The following DNAH9 variants were observed in gnomAD, a reference collection of about 807,000 sequenced individuals.
DNAH9 encodes dynein axonemal heavy chain 9, also known as DNAH9 variant protein.
Under a neutral mutation model 471.6 loss-of-function variants are expected in DNAH9, and 345 were observed. That is an observed-to-expected ratio of 0.73 (90% CI 0.67 to 0.80). The LOEUF is 0.80. DNAH9 is among the 30% of genes least tolerant of loss of function. The pLI is 0.00. For missense variants in DNAH9, 5,407 were observed against 5,609.2 expected, an observed-to-expected ratio of 0.96 and a Z score of 1.15; for synonymous variants, 2,093 against 2,123.6, an observed-to-expected ratio of 0.99 and a Z score of 0.40.
At chr17:11,862,080 A>G (rs1353228386) in intron 50 of DNAH9, among the ~76,000 whole-genome samples, 2 of 121,936 alleles carry the variant, frequency 1.6e-5, no homozygotes, top group Non-Finnish European at 3.8e-5. Context: ...GGTGTTTTAG[A>G]CGTGAAGTCC....
chr17:11,723,983 T>G (rs2075108882), intron 27 of DNAH9, among the ~76,000 whole-genome samples: 2 of 152,196 alleles, frequency 1.3e-5, no homozygotes, highest in African/African-American at 4.8e-5. Flanking sequence ...TGTTAAAAAT[T>G]GAATTTTTAA....
In DNAH9 at chr17:11,699,772, G is replaced by A. The variant is rs1484273438; in HGVS notation, c.4914G>A (p.Lys1638=). 1 of 1,614,068 alleles carries A rather than the reference G, an allele frequency of 6.2e-7. No individual in the cohort carries two copies. Among genetic ancestry groups the A allele is most frequent in the African/African-American group, 1.3e-5 (1 of 74,930 alleles). Residue 1638 remains lysine (K), a synonymous_variant, in exon 23 of 69, where the codon AAG becomes AAA. Transcript: ENST00000262442. ...HLSKLFDNMA[K]MRFQLDASGE... The stretch of plus-strand genomic sequence containing the variant: ...CCAAACTCTTTGACAACATGGCCAA[G>A]ATGCGATTCCAGCTAGATGCCAGTG...
chr17:11,831,545 T>C (rs1027399156), intron 48 of DNAH9, among the ~76,000 whole-genome samples: 1 of 152,094 alleles, frequency 6.6e-6, no homozygotes, highest in African/African-American at 2.4e-5. Flanking sequence ...GAGGGTCAAA[T>C]ATCCAGACTA....
At chr17:11,603,967 T>G (rs2072442117) in intron 1 of DNAH9, among the ~76,000 whole-genome samples, 1 of 152,030 alleles carries the variant, frequency 6.6e-6, no homozygotes. Flanking sequence ...ACCAGTCTTC[T>G]GGTTTCCTCC....
At chr17:11,686,444 T>G (rs1319047317) in intron 19 of DNAH9, among the ~76,000 whole-genome samples, 1 of 152,220 alleles carries the variant, frequency 6.6e-6, no homozygotes, top group Admixed American at 6.5e-5. Context: ...GTTCTTATAC[T>G]GTATCATTTC....
chr17:11,635,315 C>T (rs1445025324), intron 8 of DNAH9, among the ~76,000 whole-genome samples: 2 of 150,720 alleles, frequency 1.3e-5, no homozygotes, highest in African/African-American at 2.4e-5. Flanking sequence ...TACAGGCACA[C>T]GCCACCATGA....
chr17:11,636,993 G>A (rs990646114), intron 9 of DNAH9, among the ~76,000 whole-genome samples: 1 of 152,168 alleles, frequency 6.6e-6, no homozygotes, highest in African/African-American at 2.4e-5. Context: ...GGCTGAGATT[G>A]GCAGGCTGAC....
At chr17:11,943,318 C>T (rs927600087) in intron 67 of DNAH9, among the ~76,000 whole-genome samples, 1 of 152,104 alleles carries the variant, frequency 6.6e-6, no homozygotes, top group Non-Finnish European at 1.5e-5. Flanking sequence ...TAGGGTCACA[C>T]GTGGATAGGA....
In DNAH9 at chr17:11,598,823, G is replaced by A. The variant is rs779831518; in HGVS notation, c.325G>A (p.Glu109Lys). Residue 109 changes from glutamate to lysine, a missense_variant, in exon 1 of 69, where the codon GAG becomes AAG. By Grantham distance (56) the Glu-to-Lys change is moderately conservative. Transcript: ENST00000262442. ...KALFFLRTGP[E>K]PPGPDSFRGA... Reference sequence around the variant, plus strand: ...GCTTTTTTTCCTTCGCACCGGGCCCGAGCCTCCAGGGCCCGACAGCTTCCG... The same window carrying A: ...GCTTTTTTTCCTTCGCACCGGGCCCAAGCCTCCAGGGCCCGACAGCTTCCG... The A allele has an allele frequency of 2.5e-5, 38 of 1,495,640 alleles. No individual in the cohort carries two copies. The highest frequency in any genetic ancestry group is 3.1e-5 in the Non-Finnish European group (35 of 1,126,954). 92.6% of individuals were successfully genotyped at this position (1,495,640 alleles called of 1,614,324 possible). A position where few individuals can be genotyped will look rare whatever the true frequency, so the allele number is the denominator to read the frequency against.
intron 58 of DNAH9, 85 bp from the exon 59 acceptor site, chr17:11,894,289 T>C (rs1973155441): frequency 1.9e-6 from 3 of 1,553,902 alleles, no homozygotes; most frequent in Non-Finnish European, 2.6e-6. Context: ...GAGGCAGTAA[T>C]AATTATACTG....
chr17:11,598,976 T>G (rs1365062615), intron 1 of DNAH9, 61 bp downstream of exon 1: 1 of 1,311,282 alleles, frequency 7.6e-7, no homozygotes, highest in Non-Finnish European at 1.0e-6. Flanking sequence ...AGGAGGAGCC[T>G]TAAGGGACGG....
At chr17:11,942,583 G>T in intron 67 of DNAH9, 98 bp downstream of exon 67, 1 of 1,335,226 alleles carries the variant, frequency 7.5e-7, no homozygotes, top group East Asian at 2.5e-5. Flanking sequence ...GAAAGCTGGG[G>T]AGCAGTTGTC....
intron 55 of DNAH9, among the ~76,000 whole-genome samples, 199 bp downstream of exon 55, chr17:11,881,612 C>G (rs958292694): frequency 6.6e-6 from 1 of 151,976 alleles, no homozygotes; most frequent in Non-Finnish European, 1.5e-5. Flanking sequence ...AGAACAGAAG[C>G]AAAAACAGTT....
chr17:11,798,735 T>C (rs896015691), intron 43 of DNAH9, among the ~76,000 whole-genome samples: 10 of 152,112 alleles, frequency 6.6e-5, no homozygotes, highest in Non-Finnish European at 1.5e-4. Context: ...TTTCAACTTC[T>C]TTGAACTTTC....
chr17:11,704,943 C>T, intron 25 of DNAH9, 82 bp from the exon 26 acceptor site: 1 of 1,144,426 alleles, frequency 8.7e-7, no homozygotes, highest in Non-Finnish European at 1.3e-6. Context: ...ACAGCCAAGG[C>T]ATCAGACCCC....
At position 11,854,087 on chromosome 17, in the gene DNAH9, C is replaced by T; in HGVS notation, c.9592C>T (p.Pro3198Ser). 6.2e-7 allele frequency: 1 copy of T among 1,614,120 alleles called. No individual in the cohort carries two copies. Among genetic ancestry groups the T allele is most frequent in the South Asian group, 1.1e-5 (1 of 91,068 alleles). ...VSAAVMVLMA[P>S]RGRVPKDRSW... is the part of the protein sequence containing the mutation. ...CGCTGCGGTGATGGTACTGATGGCT[C>T]CCAGGGGTAGGGTGCCCAAGGACCG... The change falls in exon 50 of 69, where the codon CCC becomes TCC. Residue 3198 changes from proline to serine, a missense_variant. By Grantham distance (74) the Pro-to-Ser change is moderately conservative (BLOSUM62 -1). Coordinates refer to ENST00000262442, the MANE Select transcript of DNAH9 (RefSeq NM_001372.4).
rs1272182971 is a variant in DNAH9, at chr17:11,784,469, C to A, written c.7991C>A (p.Thr2664Asn). 1 of 1,614,226 alleles carries A rather than the reference C, an allele frequency of 6.2e-7. No homozygotes were observed. ...LALAFHQKIA[T>N]TFLPTGIKFH... ...CTCGCCTTCCACCAGAAAATTGCTA[C>A]CACCTTCCTACCCACAGGAATCAAA... Residue 2664 changes from threonine (T) to asparagine (N), a missense_variant, in exon 41 of 69, where the codon ACC (threonine) becomes AAC (asparagine). Physicochemically the swap from Thr to Asn is moderately conservative, Grantham distance 65 (BLOSUM62 0). Around this residue, in one of 3 missense-constraint regions of DNAH9, gnomAD observed 4,636 missense variants for 4,900.3 expected, o/e 0.95. Coordinates refer to ENST00000262442, the MANE Select transcript of DNAH9 (RefSeq NM_001372.4).
intron 5 of DNAH9, among the ~76,000 whole-genome samples, chr17:11,619,120 A>G (rs2072803600): frequency 6.6e-6 from 1 of 152,266 alleles, no homozygotes; most frequent in Non-Finnish European, 1.5e-5. Context: ...GTTGTGGTGA[A>G]GGTGGCTGTC....
chr17:11,598,984 C>CG, intron 1 of DNAH9, 69 bp downstream of exon 1: 1 of 331,508 alleles, frequency 3.0e-6, no homozygotes, highest in Non-Finnish European at 4.1e-6. Flanking sequence ...CCTTAAGGGA[C>CG]GGAGGCGGGG....
Sources: allele counts gnomAD v4.1 joint callset (sites outside exome capture counted in the v4.1 genomes callset), GRCh38; gene constraint gnomAD v4.1.1; regional missense constraint gnomAD v4.1.1; transcripts MANE v1.5; gene names NCBI Gene and HGNC (gene_info 2026-07-23, HGNC 2026-07-21).